Variants in DPP6 observed in about 807,000 individuals in gnomAD.
DPP6 encodes the protein dipeptidyl peptidase like 6.
In DPP6, 69 loss-of-function variants were observed where a neutral mutation model predicts 122.6. The observed-to-expected ratio is 0.56, with a 90% confidence interval of 0.46 to 0.69. DPP6 has a LOEUF of 0.69. Among genes scored for constraint, DPP6 ranks in the 30% least tolerant of loss-of-function variants. DPP6 has a pLI of 0.00. For synonymous variants in DPP6, 418 were observed against 433.1 expected, an observed-to-expected ratio of 0.97 and a Z score of 0.43; for missense variants, 928 against 1,116.9, an observed-to-expected ratio of 0.83 and a Z score of 2.41.
At chr7:154,112,360 G>C (rs144117685) in intron 1 of DPP6, among the ~76,000 whole-genome samples, 61 of 152,074 alleles carry the variant, frequency 4.0e-4, no homozygotes, top group African/African-American at 1.3e-3. Flanking sequence ...ATAGATAAAA[G>C]GTGGCCAGGC....
intron 1 of DPP6, among the ~76,000 whole-genome samples, chr7:154,341,604 A>G (rs533454899): frequency 9.9e-4 from 151 of 151,904 alleles, no homozygotes; most frequent in African/African-American, 3.5e-3. Flanking sequence ...TGTTCAAGAA[A>G]TTGAATAATA....
At chr7:154,519,428 G>A (rs1478221702) in intron 3 of DPP6, among the ~76,000 whole-genome samples, 3 of 152,186 alleles carry the variant, frequency 2.0e-5, no homozygotes, top group East Asian at 1.9e-4. Context: ...GACATCCCAC[G>A]TTTGTGACAC....
chr7:154,301,688 ATGTT>A (rs1805910603), intron 1 of DPP6, among the ~76,000 whole-genome samples: 4 of 151,874 alleles, frequency 2.6e-5, no homozygotes. Flanking sequence ...CTTAAGTACA[ATGTT>A]TGTTCTCTGG....
chr7:154,623,817 T>C (rs1228638307), intron 5 of DPP6, among the ~76,000 whole-genome samples: 2 of 152,258 alleles, frequency 1.3e-5, no homozygotes, highest in Non-Finnish European at 2.9e-5. Flanking sequence ...TAGCATTTAA[T>C]TGATATAAAT....
intron 3 of DPP6, among the ~76,000 whole-genome samples, chr7:154,538,186 C>T (rs1489588633): frequency 6.6e-6 from 1 of 152,112 alleles, no homozygotes; most frequent in Non-Finnish European, 1.5e-5. Context: ...TCCGTAGAAA[C>T]AAGCAGGTTT....
At chr7:154,693,996 G>T (rs982092585) in intron 7 of DPP6, among the ~76,000 whole-genome samples, 1 of 152,170 alleles carries the variant, frequency 6.6e-6, no homozygotes, top group Non-Finnish European at 1.5e-5. Context: ...ATCGTAGACT[G>T]GGGTGCTTAG....
the DPP6 span, among the ~76,000 whole-genome samples, chr7:153,756,088 A>T: frequency 6.6e-6 from 1 of 152,148 alleles, no homozygotes; most frequent in East Asian, 1.9e-4. Context: ...TTAATAACTC[A>T]TGGTTGCAGG....
chr7:153,932,557 G>T (rs1801222132), intron 1 of DPP6, among the ~76,000 whole-genome samples: 1 of 152,138 alleles, frequency 6.6e-6, no homozygotes, highest in South Asian at 2.1e-4. Context: ...GAGCTGTATT[G>T]TCTTCTCTCA....
chr7:154,867,969 G>GTGTGTCCC, intron 17 of DPP6, 26 bp from the exon 18 acceptor site: 1 of 1,568,388 alleles, frequency 6.4e-7, no homozygotes, highest in Non-Finnish European at 8.6e-7. Flanking sequence ...CTGCATCTCA[G>GTGTGTCCC]TGTGTCCCTG....
In DPP6 at chr7:154,268,721, C is replaced by T. The variant is rs566297960; in HGVS notation, c.244-177493C>T. 2.6e-5 allele frequency among the ~76,000 whole-genome samples: 4 copies of T among 152,186 alleles called. No individual in the cohort carries two copies. The East Asian group carries it at 5.8e-4, about 22-fold the overall frequency. On this transcript the variant is annotated intron_variant, in intron 1 of 25. Transcript: ENST00000377770. ...GCATTTGCCTCAATGATTTTCCCTG[C>T]GATGACACGTGGCCTGCTCTGAACA...
chr7:154,000,092 G>A (rs889619417), intron 1 of DPP6, among the ~76,000 whole-genome samples: 4 of 152,122 alleles, frequency 2.6e-5, no homozygotes, highest in African/African-American at 9.7e-5. Flanking sequence ...TGTGTTTAGT[G>A]TCTGGATGAA....
chr7:154,542,346 TAGAG>T (rs927906435), intron 4 of DPP6, among the ~76,000 whole-genome samples: 34 of 152,144 alleles, frequency 2.2e-4, no homozygotes, highest in Non-Finnish European at 7.4e-5. Context: ...CTAATATTAA[TAGAG>T]AGGATAAAAT....
chr7:154,431,230 A>G (rs1818336899), intron 1 of DPP6, among the ~76,000 whole-genome samples: 1 of 152,116 alleles, frequency 6.6e-6, no homozygotes, highest in Non-Finnish European at 1.5e-5. Flanking sequence ...GCCGTCTTTC[A>G]AGATGCAGTT....
At chr7:154,116,927 C>T (rs1460405825) in intron 1 of DPP6, among the ~76,000 whole-genome samples, 4 of 152,166 alleles carry the variant, frequency 2.6e-5, no homozygotes, top group South Asian at 2.1e-4. Flanking sequence ...TTTCTGGTCA[C>T]GGGAGGGGCA....
chr7:153,930,617 C>T (rs1446616096), intron 1 of DPP6, among the ~76,000 whole-genome samples: 2 of 152,164 alleles, frequency 1.3e-5, no homozygotes, highest in Admixed American at 1.3e-4. Context: ...TTTTGAAAAT[C>T]TCTGAGAGAG....
chr7:154,153,571 C>G (rs1563254396), intron 1 of DPP6, among the ~76,000 whole-genome samples: 1 of 152,206 alleles, frequency 6.6e-6, no homozygotes, highest in Non-Finnish European at 1.5e-5. Context: ...ATGGCCACAG[C>G]TGACAGCCAA....
chr7:154,206,404 G>A (rs1213575063), intron 1 of DPP6, among the ~76,000 whole-genome samples: 10 of 152,194 alleles, frequency 6.6e-5, no homozygotes, highest in Non-Finnish European at 1.5e-4. Flanking sequence ...GCCAGAGAAA[G>A]CAAAGAAGGG....
chr7:154,151,771 C>A (rs372564440), intron 1 of DPP6, among the ~76,000 whole-genome samples: 2 of 151,986 alleles, frequency 1.3e-5, no homozygotes, highest in Non-Finnish European at 2.9e-5. Flanking sequence ...CTCCCTCCTC[C>A]TATTAACATC....
At chr7:154,183,336 G>T (rs867246919) in intron 1 of DPP6, among the ~76,000 whole-genome samples, 18 of 152,296 alleles carry the variant, frequency 1.2e-4, no homozygotes, top group Middle Eastern at 3.4e-3. Flanking sequence ...TTCTTTTAAA[G>T]ACAGCATATT....
Sources: allele counts gnomAD v4.1 joint callset (sites outside exome capture counted in the v4.1 genomes callset), GRCh38; gene constraint gnomAD v4.1.1; transcripts MANE v1.5; gene names NCBI Gene and HGNC (gene_info 2026-07-23, HGNC 2026-07-21).